Variants in ADGRL2 observed in about 807,000 individuals in gnomAD.
ADGRL2 encodes adhesion G protein-coupled receptor L2.
A neutral mutation model predicts 157.4 loss-of-function variants in ADGRL2; 44 were observed. The observed-to-expected ratio is 0.28, with a 90% CI of 0.22 to 0.36. The LOEUF (loss-of-function observed/expected upper bound fraction) is 0.36, where lower values mean the gene tolerates loss of function less well. Ranked by LOEUF, ADGRL2 falls within the 10% of genes least tolerant of loss-of-function variation. The probability of loss-of-function intolerance (pLI) is 1.00; values close to 1 mark genes in which losing one functional copy is unlikely to be tolerated. For synonymous variants in ADGRL2, 585 were observed against 624.7 expected (o/e 0.94, Z 0.95); for missense variants, 1,510 against 1,768.9 (o/e 0.85, Z 2.63).
intron 2 of ADGRL2, among the ~76,000 whole-genome samples, chr1:81,865,805 T>G (rs545280725): frequency 6.6e-6 from 1 of 152,336 alleles, no homozygotes; most frequent in African/African-American, 2.4e-5. Flanking sequence ...ATTAAAAATG[T>G]TCTGCATAAT....
chr1:81,839,255 A>ATC (rs1446737250), intron 2 of ADGRL2, among the ~76,000 whole-genome samples: 1 of 152,070 alleles, frequency 6.6e-6, no homozygotes, highest in African/African-American at 2.4e-5. Context: ...GTAAACTCAG[A>ATC]TAAGTTTTCC....
In ADGRL2 at chr1:81,661,576, T is replaced by C. The variant is rs2082650394; in HGVS notation, c.-143+80596T>C. ...GTAATCAACTGTGTGGTCAAAACTT[T>C]TTTAAAAAATGACCTTACACAGTCT... is the stretch of plus-strand genomic sequence containing the variant. On this transcript the variant is annotated intron_variant, in intron 3 of 24. Transcript: ENST00000370721. Among the ~76,000 whole-genome samples, 3 of 152,196 alleles carry C rather than the reference T, an allele frequency of 2.0e-5. No individual in the cohort carries two copies. In the South Asian group the frequency reaches 6.2e-4, roughly 31 times the overall value.
At chr1:81,811,741 T>G (rs549264176) in intron 1 of ADGRL2, among the ~76,000 whole-genome samples, 1 of 151,898 alleles carries the variant, frequency 6.6e-6, no homozygotes, top group Non-Finnish European at 1.5e-5. Context: ...TTATTCAGAA[T>G]AAGAAGAAAA....
At chr1:81,503,022 G>A (rs923147841) in intron 2 of ADGRL2, 14 of 1,612,850 alleles carry the variant, frequency 8.7e-6, no homozygotes, top group Admixed American at 8.3e-5. Flanking sequence ...TGGCAAGCCA[G>A]CAGGCTGGTA....
At chr1:81,792,871 A>T (rs973843781) in intron 2 of ADGRL2, among the ~76,000 whole-genome samples, 17 of 152,278 alleles carry the variant, frequency 1.1e-4, no homozygotes, top group African/African-American at 4.1e-4. Flanking sequence ...TTGTGTAATA[A>T]GATAAAACAG....
At chr1:81,719,826 G>T (rs2084238750) in intron 1 of ADGRL2, among the ~76,000 whole-genome samples, 1 of 151,900 alleles carries the variant, frequency 6.6e-6, no homozygotes, top group Admixed American at 6.6e-5. Context: ...AGCGTTTTTT[G>T]AACATCTCCT....
chr1:81,498,884 A>G (rs1295289320), intron 2 of ADGRL2, among the ~76,000 whole-genome samples: 1 of 152,244 alleles, frequency 6.6e-6, no homozygotes, highest in Non-Finnish European at 1.5e-5. Context: ...AAAAATGGTT[A>G]GGAACATACA....
intron 3 of ADGRL2, among the ~76,000 whole-genome samples, chr1:81,922,744 A>G (rs1183627288): frequency 1.3e-5 from 2 of 152,160 alleles, no homozygotes; most frequent in Non-Finnish European, 2.9e-5. Context: ...GGCTGGGCTC[A>G]GTGGCTCATG....
intron 3 of ADGRL2, among the ~76,000 whole-genome samples, chr1:81,629,326 A>C (rs541178678): frequency 6.6e-6 from 1 of 152,282 alleles, no homozygotes; most frequent in East Asian, 1.9e-4. Flanking sequence ...GAATGCCTGA[A>C]GGTATTAACA....
At chr1:81,657,416 G>C (rs2082558652) in intron 3 of ADGRL2, among the ~76,000 whole-genome samples, 1 of 152,186 alleles carries the variant, frequency 6.6e-6, no homozygotes, top group Non-Finnish European at 1.5e-5. Context: ...AGAACAGTGA[G>C]AAATGAATTT....
chr1:81,823,035 C>G (rs1358677377), intron 1 of ADGRL2, among the ~76,000 whole-genome samples: 1 of 151,594 alleles, frequency 6.6e-6, no homozygotes, highest in Non-Finnish European at 1.5e-5. Flanking sequence ...GATTGACACT[C>G]TTTAATATTT....
In ADGRL2 at chr1:81,963,615, G is replaced by A. The variant is rs1405335977; in HGVS notation, c.2018-2443G>A. ...GTAAAGATTTTTTTTTACATTAAGT[G>A]GATGTTGAAATTTGTTTCTGTGAAT... is the stretch of plus-strand genomic sequence containing the variant. On this transcript the variant is annotated intron_variant, in intron 11 of 23. Transcript: ENST00000686636. 2.0e-5 allele frequency among the ~76,000 whole-genome samples: 3 copies of A among 151,510 alleles called. No homozygotes were observed. In the East Asian group the frequency reaches 5.8e-4, roughly 29 times the overall value.
intron 1 of ADGRL2, among the ~76,000 whole-genome samples, chr1:81,824,948 C>CCTCT (rs3046312): frequency 0.18 from 23,280 of 127,504 alleles, 2,377 homozygotes; most frequent in East Asian, 0.53. Context: ...TTTTAATTCT[C>CCTCT]CTCTCTCTCT....
chr1:81,344,416 C>T lies in ADGRL2; in HGVS notation c.-302+37907C>T, dbSNP rs190876643. On this transcript the variant is annotated intron_variant, in intron 1 of 24. Coordinates refer to the ADGRL2 transcript ENST00000370721. ...TATAGGCCGGGCACAGAGGCTCACA[C>T]CTGTAATCTCAGCACTTTGGGAGGA... Among the ~76,000 whole-genome samples the T allele has an allele frequency of 3.8e-4, 58 of 152,226 alleles. No homozygotes were observed. The East Asian group carries it at 0.011, about 29-fold the overall frequency.
At chr1:81,920,635 C>T (rs2094955990) in intron 3 of ADGRL2, among the ~76,000 whole-genome samples, 1 of 152,108 alleles carries the variant, frequency 6.6e-6, no homozygotes, top group African/African-American at 2.4e-5. Flanking sequence ...AGAGCTCCCG[C>T]CCTGAGGAAT....
At chr1:81,830,966 A>G (rs2091903435) in intron 1 of ADGRL2, among the ~76,000 whole-genome samples, 1 of 152,158 alleles carries the variant, frequency 6.6e-6, no homozygotes, top group Non-Finnish European at 1.5e-5. Flanking sequence ...CCAAGAGGGA[A>G]TTTGAATATT....
At chr1:81,601,267 A>G (rs970849484) in intron 3 of ADGRL2, among the ~76,000 whole-genome samples, 2 of 152,236 alleles carry the variant, frequency 1.3e-5, no homozygotes, top group African/African-American at 4.8e-5. Context: ...ATGTGAGAAT[A>G]TTAACTTTGG....
chr1:81,925,063 T>C (rs915292720), intron 3 of ADGRL2, among the ~76,000 whole-genome samples: 3 of 152,076 alleles, frequency 2.0e-5, no homozygotes, highest in Non-Finnish European at 4.4e-5. Flanking sequence ...TCTCTATAAG[T>C]AGATGATAAA....
intron 1 of ADGRL2, among the ~76,000 whole-genome samples, chr1:81,437,863 A>T (rs897232997): frequency 1.1e-4 from 17 of 152,188 alleles, no homozygotes; most frequent in Non-Finnish European, 2.2e-4. Context: ...TTTAGCTTTG[A>T]TTCGAGTTAT....
Sources: allele counts gnomAD v4.1 joint callset (sites outside exome capture counted in the v4.1 genomes callset), GRCh38; gene constraint gnomAD v4.1.1; transcripts MANE v1.5; gene names NCBI Gene and HGNC (gene_info 2026-07-23, HGNC 2026-07-21).